Variants in OR2L5 observed in about 807,000 individuals in gnomAD.
OR2L5 encodes the protein olfactory receptor family 2 subfamily L member 5, also known as olfactory receptor 2L5.
For missense variants in OR2L5, 413 were observed against 381.6 expected (o/e 1.08, Z -0.69); for synonymous variants, 169 against 142.0 (o/e 1.19, Z -1.35).
In OR2L5 at chr1:248,022,172, G is replaced by C. The variant is rs529281119; in HGVS notation, c.225G>C (p.Thr75=). 8 of 1,613,904 alleles carry C rather than the reference G, an allele frequency of 5.0e-6. No homozygotes were observed. In the East Asian group the frequency reaches 6.7e-5, roughly 13 times the overall value. The change falls in exon 2 of 2, where the codon ACG becomes ACC. Residue 75 remains threonine, a synonymous_variant. Transcript: ENST00000355281. ...TCATTGACCTAAATTACATCTCTAC[G>C]ATTGTTCCTAAGATGGCTTCTGATT... The part of the protein sequence containing the change: ...LSLIDLNYIS[T]IVPKMASDFL...
Position 248,022,543 on chromosome 1 carries a change from T to G in OR2L5, c.596T>G (p.Phe199Cys). Reference protein sequence around the residue: ...TDTWVYEYTVFLSSTIFLVFP... With the variant: ...TDTWVYEYTVCLSSTIFLVFP... ...ACCTGGGTCTATGAGTACACAGTGT[T>G]TTTGAGCAGCACCATCTTTCTTGTG... The change falls in exon 2 of 2, where the codon TTT becomes TGT. Residue 199 changes from phenylalanine (F) to cysteine (C), a missense_variant. Physicochemically the swap from Phe to Cys is radical, Grantham distance 205 (BLOSUM62 -2). Transcript: ENST00000355281. The G allele has an allele frequency of 6.2e-7, 1 of 1,614,154 alleles. No homozygotes were observed. The highest frequency in any genetic ancestry group is 8.5e-7 in the Non-Finnish European group (1 of 1,180,024).
At chr1:248,018,620 A>C (rs74937472) in intron 1 of OR2L5, among the ~76,000 whole-genome samples, 2 of 152,348 alleles carry the variant, frequency 1.3e-5, no homozygotes, top group East Asian at 3.9e-4. Context: ...ATTTCAGTAC[A>C]TTTAAATGTT....
chr1:248,017,274 A>G (rs1307857546), intron 1 of OR2L5, among the ~76,000 whole-genome samples: 1 of 152,236 alleles, frequency 6.6e-6, no homozygotes, highest in Non-Finnish European at 1.5e-5. Context: ...ATTTATTTTT[A>G]CATAAGAAAA....
chr1:248,015,094 C>T (rs953921885), intron 1 of OR2L5, among the ~76,000 whole-genome samples: 1 of 152,206 alleles, frequency 6.6e-6, no homozygotes, highest in African/African-American at 2.4e-5. Flanking sequence ...CTTGGAAGCA[C>T]ACATACACAC....
At position 248,022,553 on chromosome 1, in the gene OR2L5, C is replaced by A; in HGVS notation, c.606C>A (p.Ser202Arg). The A allele has an allele frequency of 6.2e-7, 1 of 1,614,172 alleles. No individual in the cohort carries two copies. Among genetic ancestry groups the A allele is most frequent in the Non-Finnish European group, 8.5e-7 (1 of 1,180,018 alleles). Residue 202 changes from serine to arginine, a missense_variant, in exon 2 of 2, where the codon AGC becomes AGA. By Grantham distance (110) the Ser-to-Arg change is moderately radical. Coordinates refer to ENST00000355281, the MANE Select transcript of OR2L5 (RefSeq NM_001258284.2). Reference protein sequence around the residue: ...WVYEYTVFLSSTIFLVFPFTG... With the variant: ...WVYEYTVFLSRTIFLVFPFTG... ...ATGAGTACACAGTGTTTTTGAGCAG[C>A]ACCATCTTTCTTGTGTTTCCCTTCA...
intron 1 of OR2L5, among the ~76,000 whole-genome samples, chr1:248,017,172 TA>T (rs1305387184): frequency 6.6e-6 from 1 of 152,148 alleles, no homozygotes; most frequent in Non-Finnish European, 1.5e-5. Flanking sequence ...GTTATAAAAA[TA>T]AAAGCAAGTG....
In OR2L5 at chr1:248,023,579, C is replaced by T. The variant is rs79325801; in HGVS notation, c.*693C>T. On this transcript the variant is annotated 3_prime_UTR_variant, in exon 2 of 2. Transcript: ENST00000355281. ...TAGCCACGGGTATTCTCATGCAAGA[C>T]GTTCTCTTCTGAACAATTTTTTTCT... 4.6e-5 allele frequency: 7 copies of T among 152,304 alleles called. No homozygotes were observed. The highest frequency in any genetic ancestry group is 4.1e-4 in the South Asian group (2 of 4,820). 9.4% of individuals were successfully genotyped at this position (152,304 alleles called of 1,614,324 possible).
chr1:248,019,334 T>C (rs1288519747), intron 1 of OR2L5, among the ~76,000 whole-genome samples: 1 of 152,180 alleles, frequency 6.6e-6, no homozygotes, highest in Non-Finnish European at 1.5e-5. Flanking sequence ...TATTTTAACA[T>C]TGAGATGACT....
rs764606651 is a variant in OR2L5 at position 248,022,411 on chromosome 1, CT to C, written c.466del (p.Cys156ValfsTer29). On this transcript the variant is annotated frameshift_variant, in exon 2 of 2. Coordinates refer to ENST00000355281, the MANE Select transcript of OR2L5 (RefSeq NM_001258284.2). LOFTEE classifies it low-confidence loss of function (END_TRUNC). ...TGSWMIGSIN[S>X]CAHTVYAFRI... ...TCTTGGATGATAGGCTCCATCAACT[CT>C]TGTGCTCACACAGTATATGCATTCC... 6.2e-7 allele frequency: 1 copy of C among 1,614,182 alleles called. No individual in the cohort carries two copies. Among genetic ancestry groups the C allele is most frequent in the Non-Finnish European group, 8.5e-7 (1 of 1,180,026 alleles).
chr1:248,015,385 T>C (rs963491233), intron 1 of OR2L5, among the ~76,000 whole-genome samples: 1 of 152,122 alleles, frequency 6.6e-6, no homozygotes, highest in East Asian at 1.9e-4. Context: ...CTCTTCTGTG[T>C]CATCTGATTG....
intron 1 of OR2L5, among the ~76,000 whole-genome samples, chr1:248,020,289 G>T (rs548412561): frequency 6.6e-6 from 1 of 152,108 alleles, no homozygotes; most frequent in Admixed American, 6.6e-5. Context: ...TAAAACTGTC[G>T]CTGTTTGCTG....
chr1:248,018,157 AAAT>A (rs1351124823), intron 1 of OR2L5, among the ~76,000 whole-genome samples: 1 of 151,150 alleles, frequency 6.6e-6, no homozygotes, highest in Non-Finnish European at 1.5e-5. Context: ...CATCTCAAAA[AAAT>A]AAAAAAAAAA....
chr1:248,018,152 C>CAAAA (rs574012485), intron 1 of OR2L5, among the ~76,000 whole-genome samples: 9 of 139,912 alleles, frequency 6.4e-5, no homozygotes, highest in African/African-American at 2.8e-4. Flanking sequence ...GACTCCATCT[C>CAAAA]AAAAAAATAA....
rs749898277 is a variant in OR2L5 at position 248,022,688 on chromosome 1, A to G, written c.741A>G (p.Val247=). ...YSTCSTHLTV[V]TFYYAPFAYT... ...CCTGCAGCACCCACCTCACTGTAGT[A>G]ACTTTCTACTATGCACCCTTTGCTT... The change falls in exon 2 of 2, where the codon GTA becomes GTG. Residue 247 remains valine, a synonymous_variant. Transcript: ENST00000355281. 3.1e-6 allele frequency: 5 copies of G among 1,614,150 alleles called. No individual in the cohort carries two copies. Among genetic ancestry groups the G allele is most frequent in the South Asian group, 2.2e-5 (2 of 91,088 alleles).
At position 248,022,286 on chromosome 1, in the gene OR2L5, C is replaced by T. The variant is rs761275934; in HGVS notation, c.339C>T (p.Leu113=). ...CTTTTGCAGGTGCAGAAGCGCTGCT[C>T]CTGACATCAATGGCCTATGATCGTT... ...FMTFAGAEAL[L]LTSMAYDRYV... is the part of the protein sequence containing the mutation. Residue 113 remains leucine, a synonymous_variant, in exon 2 of 2, where the codon CTC becomes CTT. Transcript: ENST00000355281. The T allele has an allele frequency of 3.0e-5, 48 of 1,613,984 alleles. No individual in the cohort carries two copies. The highest frequency in any genetic ancestry group is 4.0e-5 in the Non-Finnish European group (47 of 1,179,992).
chr1:248,023,876 A>T lies in OR2L5; in HGVS notation c.*990A>T, dbSNP rs1320877894. ...GCCCTGCATTATACAACTTTCCATA[A>T]TGTAACATTTTTCTATAACTATTTT... On this transcript the variant is annotated 3_prime_UTR_variant, in exon 2 of 2. Coordinates refer to ENST00000355281, the MANE Select transcript of OR2L5 (RefSeq NM_001258284.2). 2 of 152,192 alleles carry T rather than the reference A, an allele frequency of 1.3e-5. No individual in the cohort carries two copies. Among genetic ancestry groups the T allele is most frequent in the Non-Finnish European group, 2.9e-5 (2 of 68,028 alleles). 9.4% of individuals were successfully genotyped at this position (152,192 alleles called of 1,614,324 possible).
At chr1:248,017,575 T>A (rs34898413) in intron 1 of OR2L5, among the ~76,000 whole-genome samples, 58 of 152,348 alleles carry the variant, frequency 3.8e-4, no homozygotes, top group Non-Finnish European at 7.6e-4. Context: ...TTCTGCCTTA[T>A]TGGGAAGTGC....
rs1316050917 is a variant in OR2L5 at position 248,023,633 on chromosome 1, A to G, written c.*747A>G. ...TACTCTTCAAAATCAGCAAGTCTAT[A>G]CATCTTGGATTGGGATCAACTCCTC... On this transcript the variant is annotated 3_prime_UTR_variant, in exon 2 of 2. Coordinates refer to ENST00000355281, the MANE Select transcript of OR2L5 (RefSeq NM_001258284.2). 3 of 152,206 alleles carry G rather than the reference A, an allele frequency of 2.0e-5. No homozygotes were observed. Among genetic ancestry groups the G allele is most frequent in the Non-Finnish European group, 2.9e-5 (2 of 68,044 alleles). The allele number at this position is 152,206 out of a possible 1,614,324, so 9.4% of individuals were successfully genotyped here.
chr1:248,022,395 A>G lies in OR2L5; in HGVS notation c.448A>G (p.Ile150Val). The G allele has an allele frequency of 6.2e-7, 1 of 1,614,156 alleles. No homozygotes were observed. The highest frequency in any genetic ancestry group is 8.5e-7 in the Non-Finnish European group (1 of 1,180,018). ...GCTGATGATAACAGGATCTTGGATG[A>G]TAGGCTCCATCAACTCTTGTGCTCA... ...YVLMITGSWM[I>V]GSINSCAHTV... Residue 150 changes from isoleucine to valine, a missense_variant, in exon 2 of 2, where the codon ATA (isoleucine) becomes GTA (valine). Coordinates refer to ENST00000355281, the MANE Select transcript of OR2L5 (RefSeq NM_001258284.2).
Sources: gnomAD v4.1 joint callset for allele counts (sites outside exome capture counted in the v4.1 genomes callset) on GRCh38, gnomAD v4.1.1 for gene constraint, MANE v1.5 for transcripts, NCBI Gene and HGNC (gene_info 2026-07-23, HGNC 2026-07-21) for gene names.